Variants in NEBL observed in about 807,000 individuals in gnomAD.
The protein encoded by NEBL is LIM and SH3 protein 2.
In NEBL, 122 loss-of-function variants were observed where a neutral mutation model predicts 140.2. That is an observed-to-expected ratio of 0.87 (90% CI 0.75 to 1.01). The LOEUF (loss-of-function observed/expected upper bound fraction) is 1.01. Among genes scored for constraint, NEBL ranks in the 50% least tolerant of loss-of-function variants. The pLI is 0.00. For missense variants in NEBL, 1,365 were observed against 1,231.3 expected, an observed-to-expected ratio of 1.11 and a Z score of -1.62; for synonymous variants, 436 against 398.9, an observed-to-expected ratio of 1.09 and a Z score of -1.11.
At chr10:20,992,752 G>C in intron 3 of NEBL, among the ~76,000 whole-genome samples, 1 of 128,822 alleles carries the variant, frequency 7.8e-6, no homozygotes, top group East Asian at 2.5e-4. Context: ...TCAGTCATTT[G>C]CAACTACAAA....
At chr10:21,167,362 C>G (rs73609214) in intron 2 of NEBL, among the ~76,000 whole-genome samples, 1 of 152,148 alleles carries the variant, frequency 6.6e-6, no homozygotes, top group Non-Finnish European at 1.5e-5. Flanking sequence ...GACTAAGATA[C>G]AAGGTATAGT....
intron 1 of NEBL, among the ~76,000 whole-genome samples, chr10:21,264,526 C>T (rs1318235726): frequency 6.6e-6 from 1 of 151,368 alleles, no homozygotes; most frequent in Non-Finnish European, 1.5e-5. Flanking sequence ...TGAGTTCTTA[C>T]AAGATATGAG....
At chr10:21,197,890 A>G (rs1409082549) in intron 3 of NEBL, among the ~76,000 whole-genome samples, 2 of 152,116 alleles carry the variant, frequency 1.3e-5, no homozygotes, top group South Asian at 2.1e-4. Flanking sequence ...TACCCTGACC[A>G]ATCAATAATT....
At chr10:20,828,693 G>A in intron 16 of NEBL, 59 bp from the exon 17 acceptor site, 1 of 1,085,576 alleles carries the variant, frequency 9.2e-7, no homozygotes. Flanking sequence ...CATGTGAGAG[G>A]GAGGGAGGGA....
chr10:21,140,975 T>C (rs1839602699), intron 2 of NEBL, among the ~76,000 whole-genome samples: 1 of 149,094 alleles, frequency 6.7e-6, no homozygotes. Flanking sequence ...AAAAAGCTAA[T>C]ATCAATTTTG....
intron 1 of NEBL, among the ~76,000 whole-genome samples, chr10:21,291,539 A>G (rs1174727436): frequency 6.6e-6 from 1 of 151,626 alleles, no homozygotes; most frequent in Non-Finnish European, 1.5e-5. Flanking sequence ...GAAGCCTACA[A>G]GAGTCAGAAG....
chr10:20,794,332 CTT>C (rs35943625), intron 26 of NEBL, among the ~76,000 whole-genome samples: 18,677 of 152,144 alleles, frequency 0.12, 1,653 homozygotes, highest in East Asian at 0.23. Flanking sequence ...CTCATATTAT[CTT>C]TGTTTTAATT....
chr10:21,239,804 C>G (rs982906265), intron 3 of NEBL, among the ~76,000 whole-genome samples: 1 of 151,936 alleles, frequency 6.6e-6, no homozygotes, highest in Non-Finnish European at 1.5e-5. Context: ...ATTACAAGGT[C>G]AGGAGATCAA....
At chr10:21,209,311 C>T (rs1019005830) in intron 3 of NEBL, among the ~76,000 whole-genome samples, 4 of 152,134 alleles carry the variant, frequency 2.6e-5, no homozygotes, top group Non-Finnish European at 2.9e-5. Flanking sequence ...AAACACAGGA[C>T]GTTCGGTTAA....
At chr10:21,188,786 C>T (rs1006576428) in intron 3 of NEBL, among the ~76,000 whole-genome samples, 2 of 151,810 alleles carry the variant, frequency 1.3e-5, no homozygotes, top group Non-Finnish European at 2.9e-5. Context: ...GATGGGGTTT[C>T]ATCACGTCGG....
At chr10:20,788,160 G>T (rs992766664) in intron 26 of NEBL, among the ~76,000 whole-genome samples, 2 of 152,160 alleles carry the variant, frequency 1.3e-5, no homozygotes, top group Non-Finnish European at 2.9e-5. Flanking sequence ...ACATATGCTT[G>T]TGTGTTTCTC....
intron 2 of NEBL, among the ~76,000 whole-genome samples, chr10:21,065,889 G>T (rs1436164783): frequency 6.6e-6 from 1 of 152,114 alleles, no homozygotes; most frequent in Non-Finnish European, 1.5e-5. Flanking sequence ...GAGGGTGATG[G>T]GTTTCAACAG....
intron 24 of NEBL, 51 bp from the exon 25 acceptor site, chr10:20,809,949 G>GTAAA: frequency 5.1e-6 from 3 of 586,448 alleles, no homozygotes; most frequent in Non-Finnish European, 7.7e-6. Flanking sequence ...ATTTAAAAAA[G>GTAAA]GAAAAAAAAA....
At position 21,005,006 on chromosome 10, in the gene NEBL, A is replaced by G. The variant is rs570441713; in HGVS notation, c.249+15111T>C. Among the ~76,000 whole-genome samples the G allele has an allele frequency of 1.2e-4, 19 of 152,370 alleles. No homozygotes were observed. In the South Asian group the frequency reaches 3.9e-3, roughly 32 times the overall value. ...GTAGGCCATTTAATAGAGGCAAAAA[A>G]GGAAATCAAGACCTCACCCAAACAA... On this transcript the variant is annotated intron_variant, in intron 3 of 6. Transcript: ENST00000417816.
At chr10:21,074,434 A>C (rs540061231) in intron 2 of NEBL, among the ~76,000 whole-genome samples, 3 of 151,648 alleles carry the variant, frequency 2.0e-5, no homozygotes, top group Admixed American at 1.3e-4. Flanking sequence ...TATATTGTAC[A>C]TCTCTTGTAA....
intron 3 of NEBL, among the ~76,000 whole-genome samples, chr10:21,192,415 A>G (rs1841588146): frequency 6.6e-6 from 1 of 151,138 alleles, no homozygotes; most frequent in Non-Finnish European, 1.5e-5. Context: ...GATGGTCTCA[A>G]TCTCCTGACC....
chr10:20,843,548 T>A (rs1341862749), intron 12 of NEBL, among the ~76,000 whole-genome samples: 2 of 151,896 alleles, frequency 1.3e-5, no homozygotes, highest in Admixed American at 1.3e-4. Context: ...GATTCTCCTT[T>A]AAAAAATTAA....
chr10:21,020,954 A>G (rs879517330), intron 2 of NEBL, among the ~76,000 whole-genome samples: 13 of 152,144 alleles, frequency 8.5e-5, no homozygotes, highest in Non-Finnish European at 1.5e-4. Context: ...TTCAGATCCA[A>G]TAGCATTTCC....
At chr10:21,152,876 A>G (rs1166973622) in intron 2 of NEBL, among the ~76,000 whole-genome samples, 2 of 152,322 alleles carry the variant, frequency 1.3e-5, no homozygotes, top group Middle Eastern at 6.8e-3. Flanking sequence ...CTGTACATCA[A>G]TTTCCTTGTT....
Sources: allele counts gnomAD v4.1 joint callset (sites outside exome capture counted in the v4.1 genomes callset), GRCh38; gene constraint gnomAD v4.1.1; transcripts MANE v1.5; gene names NCBI Gene and HGNC (gene_info 2026-07-23, HGNC 2026-07-21).